Variants in ZNF408 observed in about 807,000 individuals in gnomAD.
The protein encoded by ZNF408 is PR domain zinc finger protein 17.
Under a neutral mutation model 27.6 loss-of-function variants are expected in ZNF408, and 24 were observed. The observed-to-expected ratio is 0.87, with a 90% CI of 0.63 to 1.22. ZNF408 has a LOEUF of 1.22. ZNF408 is among the 50% of genes most tolerant of loss of function. The pLI is 0.00. For synonymous variants in ZNF408, 410 were observed against 396.1 expected (o/e 1.04, Z -0.42); for missense variants, 897 against 949.0 (o/e 0.95, Z 0.72).
chr11:46,704,450 G>A lies in ZNF408; in HGVS notation c.750G>A (p.Gln250=). The A allele has an allele frequency of 6.2e-7, 1 of 1,614,164 alleles. No individual in the cohort carries two copies. Residue 250 remains glutamine (Q), a synonymous_variant, in exon 5 of 5, where the codon CAG becomes CAA. Transcript: ENST00000311764. ...AGGACCGAATTTCCAAGGATAGCCA[G>A]CCACTTGGCCCATTGCTTCAGGATG... ...PTQDRISKDS[Q]PLGPLLQDGD...
rs143607576 is a variant in ZNF408, at chr11:46,705,274, G to A, written c.1574G>A (p.Arg525His). 157 of 1,612,140 alleles carry A rather than the reference G, an allele frequency of 9.7e-5. No individual in the cohort carries two copies. Among genetic ancestry groups the A allele is most frequent in the Middle Eastern group, 3.3e-4 (2 of 6,060 alleles). Residue 525 changes from arginine to histidine, a missense_variant, in exon 5 of 5, where the codon CGC becomes CAC. By Grantham distance (29) the Arg-to-His change is conservative (BLOSUM62 0). Transcript: ENST00000311764. The surrounding 1 kb of genome is among the most constrained non-coding windows in gnomAD (Gnocchi z 6.5). ...LRLHTGERPYRCPHCADAFPQ... is the reference protein window; with the variant it reads ...LRLHTGERPYHCPHCADAFPQ... ...CTCCACACCGGGGAGCGTCCTTACCGCTGCCCACACTGTGCCGATGCCTTC... is the reference window on the plus strand; with the variant it reads ...CTCCACACCGGGGAGCGTCCTTACCACTGCCCACACTGTGCCGATGCCTTC...
chr11:46,703,726 TTTTTG>T lies in ZNF408; in HGVS notation c.652+501_652+505del, dbSNP rs1474938980. Among the ~76,000 whole-genome samples, 434 of 150,968 alleles carry T rather than the reference TTTTTG, an allele frequency of 2.9e-3. 5 individuals carry two copies. Among genetic ancestry groups the T allele is most frequent in the African/African-American group, 5.9e-3 (241 of 40,846 alleles). On this transcript the variant is annotated intron_variant, in intron 4 of 4. Transcript: ENST00000311764. ...AGATGAGCTAAGGTGGGAAGGGGTT[TTTTTG>T]TTTTGTTTTGTTTTGTTGTTGTTGT...
In ZNF408 at chr11:46,705,886, A is replaced by G. The variant is rs891111220; in HGVS notation, c.*23A>G. 39 of 1,598,118 alleles carry G rather than the reference A, an allele frequency of 2.4e-5. 1 individual carries two copies. Among genetic ancestry groups the G allele is most frequent in the Non-Finnish European group, 3.0e-5 (35 of 1,172,542 alleles). On this transcript the variant is annotated 3_prime_UTR_variant, in exon 5 of 5. Transcript: ENST00000311764. This position sits in a 1 kb window ranked among gnomAD's most constrained non-coding sequence, Gnocchi z 6.5. ...TGACAGCTTTGCCTTTTGCTGACAC[A>G]GCTCCATAAAGACTCGTGCTTTCTC...
At position 46,704,945 on chromosome 11, in the gene ZNF408, C is replaced by G; in HGVS notation, c.1245C>G (p.Asp415Glu). The change falls in exon 5 of 5, where the codon GAC becomes GAG. Residue 415 changes from aspartate (D) to glutamate (E), a missense_variant. By Grantham distance (45) the Asp-to-Glu change is conservative. Transcript: ENST00000311764. ...GGCCCTTCCCCTGTCCACAATGCGA[C>G]AAGGCCTATGGCACCCAGCGAGACC... Reference protein sequence around the residue: ...GVRPFPCPQCDKAYGTQRDLK... With the variant: ...GVRPFPCPQCEKAYGTQRDLK... 1 of 1,613,608 alleles carries G rather than the reference C, an allele frequency of 6.2e-7. No individual in the cohort carries two copies. Among genetic ancestry groups the G allele is most frequent in the Non-Finnish European group, 8.5e-7 (1 of 1,180,028 alleles).
chr11:46,705,034 C>G lies in ZNF408; in HGVS notation c.1334C>G (p.Ala445Gly), dbSNP rs775300183. ...TTTGCTTGTGACCAGTGTGGCAAGGCCTTTGCCCGCCGGCCCTCCCTGCGG... is the reference window on the plus strand; with the variant it reads ...TTTGCTTGTGACCAGTGTGGCAAGGGCTTTGCCCGCCGGCCCTCCCTGCGG... ...RPFACDQCGK[A>G]FARRPSLRLH... The change falls in exon 5 of 5, where the codon GCC becomes GGC. Residue 445 changes from alanine to glycine, a missense_variant. By Grantham distance (60) the Ala-to-Gly change is moderately conservative. Transcript: ENST00000311764. The surrounding 1 kb of genome is among the most constrained non-coding windows in gnomAD (Gnocchi z 6.5). 6.2e-7 allele frequency: 1 copy of G among 1,613,186 alleles called. No homozygotes were observed. The highest frequency in any genetic ancestry group is 1.3e-5 in the African/African-American group (1 of 75,064).
chr11:46,701,125 C>CCT, intron 1 of ZNF408, 26 bp downstream of exon 1: 14 of 1,614,066 alleles, frequency 8.7e-6, no homozygotes, highest in Non-Finnish European at 1.2e-5. Flanking sequence ...TGTCCGCGAC[C>CCT]CTCAACCTTG....
chr11:46,703,767 G>T (rs55835780), intron 4 of ZNF408, among the ~76,000 whole-genome samples: 71,429 of 86,810 alleles, frequency 0.82, 28,434 homozygotes, highest in East Asian at 0.9. Flanking sequence ...TGTTGTTGTT[G>T]TTGTTTTTTT....
rs2064723312 is a variant in ZNF408, at chr11:46,703,156, G to T, written c.565G>T (p.Ala189Ser). 6.2e-7 allele frequency: 1 copy of T among 1,612,316 alleles called. No homozygotes were observed. The highest frequency in any genetic ancestry group is 1.3e-5 in the African/African-American group (1 of 75,052). ...SLTQPGLDKEAAVAVVTEVES... is the reference protein window; with the variant it reads ...SLTQPGLDKESAVAVVTEVES... ...CACCCAGCCTGGGCTGGACAAAGAG[G>T]CAGCTGTAGCAGTGGTGACAGAAGT... The change falls in exon 4 of 5, where the codon GCA becomes TCA. Residue 189 changes from alanine to serine, a missense_variant. Ala to Ser is a moderately conservative substitution (Grantham distance 99, BLOSUM62 1). Coordinates refer to ENST00000311764, the MANE Select transcript of ZNF408 (RefSeq NM_024741.3).
chr11:46,703,169 T>G lies in ZNF408; in HGVS notation c.578T>G (p.Val193Gly). 8.7e-7 allele frequency: 1 copy of G among 1,155,918 alleles called. No individual in the cohort carries two copies. Among genetic ancestry groups the G allele is most frequent in the Non-Finnish European group, 1.1e-6 (1 of 880,160 alleles). 71.6% of individuals were successfully genotyped at this position (1,155,918 alleles called of 1,614,324 possible). A position where few individuals can be genotyped will look rare whatever the true frequency, so the allele number is the denominator to read the frequency against. ...CTGGACAAAGAGGCAGCTGTAGCAGTGGTGACAGAAGTGGAGTCTGCTGTA... is the reference window on the plus strand; with the variant it reads ...CTGGACAAAGAGGCAGCTGTAGCAGGGGTGACAGAAGTGGAGTCTGCTGTA... ...PGLDKEAAVA[V>G]VTEVESAVQQ... The change falls in exon 4 of 5, where the codon GTG (valine) becomes GGG (glycine). Residue 193 changes from valine to glycine, a missense_variant. Coordinates refer to ENST00000311764, the MANE Select transcript of ZNF408 (RefSeq NM_024741.3).
intron 2 of ZNF408, chr11:46,701,914 A>G: frequency 4.9e-6 from 2 of 411,410 alleles, no homozygotes; most frequent in Non-Finnish European, 8.3e-6. Context: ...TCAAGAGCTA[A>G]GGTTTTTGGA....
rs1308596406 is a variant in ZNF408 at position 46,703,768 on chromosome 11, TTG to T, written c.652+527_652+528del. Reference sequence around the variant, plus strand: ...TTTGTTGTTGTTGTTGTTGTTGTTGTTGTTTTTTTTTTTTTTTGAGATGGAGT... The same window carrying T: ...TTTGTTGTTGTTGTTGTTGTTGTTGTTTTTTTTTTTTTTTTGAGATGGAGT... On this transcript the variant is annotated intron_variant, in intron 4 of 4. Transcript: ENST00000311764. Among the ~76,000 whole-genome samples, 44 of 51,666 alleles carry T rather than the reference TTG, an allele frequency of 8.5e-4. 5 individuals carry two copies. The highest frequency in any genetic ancestry group is 0.013 in the Middle Eastern group (1 of 78). 33.9% of individuals were successfully genotyped at this position (51,666 alleles called of 152,430 possible).
chr11:46,701,261 C>T (rs1428096267), intron 1 of ZNF408, 138 bp from the exon 2 acceptor site: 1 of 1,555,044 alleles, frequency 6.4e-7, no homozygotes, highest in Non-Finnish European at 8.8e-7. Context: ...CTCCTCAAAA[C>T]TTTCAGGGCC....
chr11:46,704,442 G>C lies in ZNF408; in HGVS notation c.742G>C (p.Asp248His). The C allele has an allele frequency of 6.2e-7, 1 of 1,614,142 alleles. No homozygotes were observed. Among genetic ancestry groups the C allele is most frequent in the Non-Finnish European group, 8.5e-7 (1 of 1,180,028 alleles). The change falls in exon 5 of 5, where the codon GAT becomes CAT. Residue 248 changes from aspartate to histidine, a missense_variant. By Grantham distance (81) the Asp-to-His change is moderately conservative (BLOSUM62 -1). Transcript: ENST00000311764. The stretch of plus-strand genomic sequence containing the variant: ...CCCAACCCAGGACCGAATTTCCAAG[G>C]ATAGCCAGCCACTTGGCCCATTGCT... ...KFPTQDRISKDSQPLGPLLQD... is the reference protein window; with the variant it reads ...KFPTQDRISKHSQPLGPLLQD...
chr11:46,702,640 C>CT (rs1021343777), intron 2 of ZNF408, 64 bp from the exon 3 acceptor site: 6 of 1,541,794 alleles, frequency 3.9e-6, no homozygotes, highest in Non-Finnish European at 5.3e-6. Context: ...CATCTAGTTT[C>CT]TTTTTTTATT....
intron 4 of ZNF408, among the ~76,000 whole-genome samples, chr11:46,703,757 TGTTG>T (rs1565694602): frequency 7.7e-5 from 10 of 130,456 alleles, no homozygotes; most frequent in African/African-American, 2.7e-4. Context: ...TTGTTGTTGT[TGTTG>T]TTGTTGTTGT....
Position 46,701,531 on chromosome 11 carries a change from C to T in ZNF408, c.185C>T (p.Ala62Val). 6.2e-7 allele frequency: 1 copy of T among 1,613,782 alleles called. No homozygotes were observed. Among genetic ancestry groups the T allele is most frequent in the Non-Finnish European group, 8.5e-7 (1 of 1,180,010 alleles). ...TTAAAGAGCCTTCCCCGGGGCTTGG[C>T]CCTTGGCCCCTCACTCGCCAAGGAA... Reference protein sequence around the residue: ...LALKSLPRGLALGPSLAKEQR... With the variant: ...LALKSLPRGLVLGPSLAKEQR... Residue 62 changes from alanine to valine, a missense_variant, in exon 2 of 5, where the codon GCC (alanine) becomes GTC (valine). Coordinates refer to ENST00000311764, the MANE Select transcript of ZNF408 (RefSeq NM_024741.3).
rs1313790014 is a variant in ZNF408, at chr11:46,704,861, C to A, written c.1161C>A (p.Gly387=). The A allele has an allele frequency of 6.2e-7, 1 of 1,603,426 alleles. No individual in the cohort carries two copies. Reference sequence around the variant, plus strand: ...AGCCCTTTCTTTGCACTGAGTGTGGCAAGAGCTATAGCTCAGAGGAGAGCT... The same window carrying A: ...AGCCCTTTCTTTGCACTGAGTGTGGAAAGAGCTATAGCTCAGAGGAGAGCT... ...GHKPFLCTEC[G]KSYSSEESFK... Residue 387 remains glycine (G), a synonymous_variant, in exon 5 of 5, where the codon GGC becomes GGA. Coordinates refer to ENST00000311764, the MANE Select transcript of ZNF408 (RefSeq NM_024741.3).
At position 46,704,518 on chromosome 11, in the gene ZNF408, C is replaced by T. The variant is rs763390169; in HGVS notation, c.818C>T (p.Pro273Leu). ...EECPAQAQMP[P>L]ELQSNSATQQ... is the part of the protein sequence containing the mutation. ...TGCCCGGCCCAGGCACAGATGCCAC[C>T]TGAACTTCAGAGCAATTCGGCTACC... The change falls in exon 5 of 5, where the codon CCT (proline) becomes CTT (leucine). Residue 273 changes from proline (P) to leucine (L), a missense_variant. By Grantham distance (98) the Pro-to-Leu change is moderately conservative. Transcript: ENST00000311764. 10 of 1,613,970 alleles carry T rather than the reference C, an allele frequency of 6.2e-6. No individual in the cohort carries two copies. The East Asian group carries it at 2.0e-4, about 32-fold the overall frequency.
chr11:46,701,583 G>A lies in ZNF408; in HGVS notation c.237G>A (p.Gly79=), dbSNP rs778962528. The change falls in exon 2 of 5, where the codon GGG becomes GGA. Residue 79 remains glycine (G), a synonymous_variant. Coordinates refer to ENST00000311764, the MANE Select transcript of ZNF408 (RefSeq NM_024741.3). ...AGCGCTTGGGGGTCTGGTGTGTCGGGGACCCCCTGCAGCCCGGCCTGCTGT... is the reference window on the plus strand; with the variant it reads ...AGCGCTTGGGGGTCTGGTGTGTCGGAGACCCCCTGCAGCCCGGCCTGCTGT... ...KEQRLGVWCV[G]DPLQPGLLWG... The A allele has an allele frequency of 1.2e-6, 2 of 1,612,556 alleles. No individual in the cohort carries two copies. The highest frequency in any genetic ancestry group is 1.7e-6 in the Non-Finnish European group (2 of 1,179,434).
Sources: allele counts gnomAD v4.1 joint callset (sites outside exome capture counted in the v4.1 genomes callset), GRCh38; gene constraint gnomAD v4.1.1; non-coding constraint Gnocchi (gnomAD v3.1); transcripts MANE v1.5; gene names NCBI Gene and HGNC (gene_info 2026-07-23, HGNC 2026-07-21).